MYO10: variants seen among roughly 807,000 people sequenced by gnomAD.
MYO10 encodes the protein unconventional myosin-X.
In MYO10, 133 loss-of-function variants were observed where a neutral mutation model predicts 257.3. The observed-to-expected ratio is 0.52, with a 90% CI of 0.45 to 0.60. The LOEUF is 0.60. Ranked by LOEUF, MYO10 falls within the 20% of genes least tolerant of loss-of-function variation. The pLI, the probability that MYO10 is intolerant of heterozygous loss-of-function variation, is 0.00. For missense variants in MYO10, 2,399 were observed against 2,635.7 expected, an observed-to-expected ratio of 0.91 and a Z score of 1.97; for synonymous variants, 1,104 against 1,028.6, an observed-to-expected ratio of 1.07 and a Z score of -1.40.
intron 19 of MYO10, among the ~76,000 whole-genome samples, chr5:16,740,233 G>C (rs1739968165): frequency 6.6e-6 from 1 of 152,122 alleles, no homozygotes; most frequent in South Asian, 2.1e-4. Flanking sequence ...TTTGGGAATT[G>C]GTCCTTTGTA....
rs1339449895 is a variant in MYO10 at position 16,683,798 on chromosome 5, G to A, written c.4046+82C>T. ...GCGTGATTTCACAGCCCTGTGAAGA[G>A]GGTCGTGACCCAGCAGCACAGACAC... On this transcript the variant is annotated intron_variant, in intron 30 of 40. Coordinates refer to ENST00000513610, the MANE Select transcript of MYO10 (RefSeq NM_012334.3). 2.2e-6 allele frequency: 3 copies of A among 1,387,996 alleles called. No homozygotes were observed. In the African/African-American group the frequency reaches 4.3e-5, roughly 20 times the overall value. The allele number at this position is 1,387,996 out of a possible 1,614,324, so 86.0% of individuals were successfully genotyped here.
intron 2 of MYO10, among the ~76,000 whole-genome samples, chr5:16,840,576 CTTA>C (rs1192974146): frequency 3.3e-5 from 5 of 152,116 alleles, no homozygotes; most frequent in Non-Finnish European, 7.4e-5. Flanking sequence ...ACTTATGACT[CTTA>C]TGACTACCAG....
intron 2 of MYO10, among the ~76,000 whole-genome samples, chr5:16,865,546 A>T (rs1022678830): frequency 3.3e-5 from 5 of 152,082 alleles, no homozygotes; most frequent in Non-Finnish European, 5.9e-5. Flanking sequence ...AATAAATTAC[A>T]ATGCCTGTAA....
At chr5:16,720,711 G>T (rs1393525561) in intron 19 of MYO10, among the ~76,000 whole-genome samples, 1 of 152,146 alleles carries the variant, frequency 6.6e-6, no homozygotes, top group African/African-American at 2.4e-5. Context: ...ACCCGCCTTG[G>T]CCTCCCAAAT....
intron 21 of MYO10, among the ~76,000 whole-genome samples, chr5:16,709,262 A>G (rs1271169691): frequency 2.0e-5 from 3 of 152,172 alleles, no homozygotes. Flanking sequence ...ACAGGAGTGG[A>G]GAGTAAGATT....
chr5:16,795,229 G>A (rs1741902319), intron 3 of MYO10, among the ~76,000 whole-genome samples: 1 of 152,334 alleles, frequency 6.6e-6, no homozygotes, highest in East Asian at 1.9e-4. Context: ...ACAGAAAGGA[G>A]AAGAGAGGTA....
chr5:16,889,018 T>G (rs543174162), intron 1 of MYO10, among the ~76,000 whole-genome samples: 54 of 151,102 alleles, frequency 3.6e-4, no homozygotes, highest in Non-Finnish European at 6.3e-4. Flanking sequence ...GCAAAAAACA[T>G]AAAAATTAGC....
In MYO10 at chr5:16,763,648, T is replaced by A; in HGVS notation, c.1427+7A>T. 6 of 1,597,804 alleles carry A rather than the reference T, an allele frequency of 3.8e-6. No individual in the cohort carries two copies. Among genetic ancestry groups the A allele is most frequent in the Non-Finnish European group, 5.1e-6 (6 of 1,165,782 alleles). ...AAAAATTGAAATGGAATTCTATGAG[T>A]GCTTACCGGCTATATTCTAGTTGTT... On this transcript the variant is annotated splice_region_variant and intron_variant, in intron 13 of 40. Coordinates refer to ENST00000513610, the MANE Select transcript of MYO10 (RefSeq NM_012334.3).
chr5:16,831,688 A>C (rs1268604573), intron 2 of MYO10, among the ~76,000 whole-genome samples: 2 of 152,188 alleles, frequency 1.3e-5, no homozygotes, highest in Non-Finnish European at 2.9e-5. Context: ...GCAAAGGCGT[A>C]AGAATGACAC....
In MYO10 at chr5:16,754,866, G is replaced by A. The variant is rs775105044; in HGVS notation, c.1891C>T (p.Pro631Ser). ...SLMATLSSSN[P>S]FFVRCIKPNM... ...GGCTTGATACAGCGAACAAAGAAAG[G>A]ATTAGAGGAGCTTAGCGTTGCCATT... Residue 631 changes from proline to serine, a missense_variant, in exon 19 of 41, where the codon CCT (proline) becomes TCT (serine). Physicochemically the swap from Pro to Ser is moderately conservative, Grantham distance 74 (BLOSUM62 -1). Around this residue, in one of 3 missense-constraint regions of MYO10, gnomAD observed 1,820 missense variants for 1,939.4 expected, o/e 0.94. Transcript: ENST00000513610. The A allele has an allele frequency of 1.2e-5, 20 of 1,604,482 alleles. No individual in the cohort carries two copies.
At chr5:16,770,614 A>G (rs1008254587) in intron 9 of MYO10, among the ~76,000 whole-genome samples, 2 of 152,232 alleles carry the variant, frequency 1.3e-5, no homozygotes, top group African/African-American at 2.4e-5. Context: ...CTTGTTGGCA[A>G]TATCGATGAA....
At chr5:16,777,761 G>GT in intron 9 of MYO10, among the ~76,000 whole-genome samples, 1 of 148,668 alleles carries the variant, frequency 6.7e-6, no homozygotes, top group Admixed American at 6.7e-5. Context: ...GTTCATAACA[G>GT]TAAGTGCTCA....
intron 1 of MYO10, among the ~76,000 whole-genome samples, chr5:16,920,127 A>T (rs953330578): frequency 1.3e-5 from 2 of 151,852 alleles, no homozygotes; most frequent in Non-Finnish European, 2.9e-5. Context: ...AAAAAAAATT[A>T]GCTGGGCTTG....
intron 1 of MYO10, among the ~76,000 whole-genome samples, chr5:16,885,003 C>G (rs930493187): frequency 5.3e-5 from 8 of 152,124 alleles, no homozygotes; most frequent in African/African-American, 1.9e-4. Context: ...TCAAAAATCC[C>G]AACAGATAAA....
At chr5:16,840,130 A>G (rs1359947363) in intron 2 of MYO10, among the ~76,000 whole-genome samples, 1 of 152,184 alleles carries the variant, frequency 6.6e-6, no homozygotes, top group Non-Finnish European at 1.5e-5. Context: ...AAGAAAGAAC[A>G]GGCCGGGCAT....
In MYO10 at chr5:16,761,957, C is replaced by T. The variant is rs113507637; in HGVS notation, c.1656+88G>A. 3.6e-3 allele frequency: 4,796 copies of T among 1,341,502 alleles called. 129 individuals are homozygous for T. The African/African-American group carries it at 0.064, about 18-fold the overall frequency. The allele number at this position is 1,341,502 out of a possible 1,614,324, so 83.1% of individuals were successfully genotyped here. ...CTCATGTGAGCCACCATGCCCAGCC[C>T]AATAAATTCATGATTGGCTTCTGAA... On this transcript the variant is annotated intron_variant, in intron 16 of 40. Transcript: ENST00000513610.
chr5:16,671,068 T>G, intron 38 of MYO10, 90 bp from the exon 39 acceptor site: 3 of 1,187,308 alleles, frequency 2.5e-6, no homozygotes, highest in Non-Finnish European at 3.5e-6. Flanking sequence ...CATGAGGGTT[T>G]CTCTCAAACT....
chr5:16,777,835 CTAACT>C (rs1482665486), intron 9 of MYO10, among the ~76,000 whole-genome samples: 1,336 of 123,134 alleles, frequency 0.011, 48 homozygotes, highest in African/African-American at 0.045. Context: ...TGCATTGCAT[CTAACT>C]TTTTTTTTTT....
chr5:16,815,310 G>T (rs1742570505), intron 3 of MYO10: 1 of 615,198 alleles, frequency 1.6e-6, no homozygotes, highest in Admixed American at 2.8e-5. Context: ...TGCATACTAT[G>T]TACTGGTTAA....
Sources: gnomAD v4.1 joint callset for allele counts (sites outside exome capture counted in the v4.1 genomes callset) on GRCh38, gnomAD v4.1.1 for gene constraint, gnomAD v4.1.1 regional missense constraint, MANE v1.5 for transcripts, NCBI Gene and HGNC (gene_info 2026-07-23, HGNC 2026-07-21) for gene names.